WDR86: variants seen among roughly 807,000 people sequenced by gnomAD.
WDR86 encodes the protein WD repeat domain 86, also known as WD repeat-containing protein 86.
WDR86 carries 30 observed loss-of-function variants against 36.5 expected under a neutral mutation model. The ratio of observed to expected loss-of-function variants is 0.82; its 90% confidence interval spans 0.61 to 1.11. WDR86 has a LOEUF of 1.11. WDR86 is among the 50% of genes most tolerant of loss of function. The probability of loss-of-function intolerance (pLI) is 0.00; values close to 1 mark genes in which losing one functional copy is unlikely to be tolerated. For missense variants in WDR86, 545 were observed against 561.2 expected, an observed-to-expected ratio of 0.97 and a Z score of 0.29; for synonymous variants, 255 against 252.9, an observed-to-expected ratio of 1.01 and a Z score of -0.08.
chr7:151,404,996 G>A (rs995843618), intron 1 of WDR86, among the ~76,000 whole-genome samples: 6 of 152,170 alleles, frequency 3.9e-5, no homozygotes, highest in Admixed American at 2.6e-4. Context: ...GAAGCCACAC[G>A]GGGCAGGGAT....
downstream of WDR86, among the ~76,000 whole-genome samples, chr7:151,371,316 G>C (rs956695656): frequency 6.6e-6 from 1 of 152,164 alleles, no homozygotes; most frequent in African/African-American, 2.4e-5. Flanking sequence ...GATTCATTCA[G>C]TGGCTTACTG....
downstream of WDR86, chr7:151,376,973 G>A (rs1798320606): frequency 7.0e-7 from 1 of 1,421,124 alleles, no homozygotes; most frequent in East Asian, 2.5e-5. Flanking sequence ...ACAGTCTGAG[G>A]TTGACTGTGG....
At position 151,395,921 on chromosome 7, in the gene WDR86, C is replaced by T. The variant is rs754973393; in HGVS notation, c.581G>A (p.Gly194Asp). Residue 194 changes from glycine to aspartate, a missense_variant, in exon 3 of 6, where the codon GGT becomes GAT. Coordinates refer to ENST00000334493, the MANE Select transcript of WDR86 (RefSeq NM_198285.3). ...GTCTAGCACTAGGCACAGCACTGCACCCGTGTGGCCCCGCAGCGTCTGGTG... is the reference window on the plus strand; with the variant it reads ...GTCTAGCACTAGGCACAGCACTGCATCCGTGTGGCCCCGCAGCGTCTGGTG... ...CCHQTLRGHT[G>D]AVLCLVLDTP... 1.3e-6 allele frequency: 2 copies of T among 1,598,334 alleles called. No homozygotes were observed. Among genetic ancestry groups the T allele is most frequent in the Admixed American group, 1.7e-5 (1 of 58,860 alleles).
At chr7:151,379,006 C>T (rs35384726), downstream of WDR86, among the ~76,000 whole-genome samples, 65,933 of 152,048 alleles carry the variant, frequency 0.43, 15,294 homozygotes, top group Non-Finnish European at 0.54. Flanking sequence ...CCTGCTCCAC[C>T]GGACAGGCGG....
chr7:151,378,920 C>T (rs576154847), downstream of WDR86, among the ~76,000 whole-genome samples: 34 of 152,330 alleles, frequency 2.2e-4, no homozygotes, highest in South Asian at 6.8e-3. Context: ...GCAGAGGAAG[C>T]CGGCTGTGGA....
intron 3 of WDR86, among the ~76,000 whole-genome samples, chr7:151,387,835 GCA>G (rs1163221124): frequency 1.3e-5 from 2 of 152,236 alleles, no homozygotes; most frequent in African/African-American, 4.8e-5. Context: ...GCTTACAGAT[GCA>G]CAGTCTTGGG....
At chr7:151,376,638 T>C (rs974447694), downstream of WDR86, 32 of 1,609,344 alleles carry the variant, frequency 2.0e-5, no homozygotes, top group African/African-American at 2.7e-5. Flanking sequence ...CCCTAGTTGG[T>C]GTACATGGGT....
At chr7:151,385,603 A>G (rs1356314761) in intron 3 of WDR86, among the ~76,000 whole-genome samples, 2 of 152,178 alleles carry the variant, frequency 1.3e-5, no homozygotes, top group African/African-American at 4.8e-5. Context: ...GGGCTTCCAG[A>G]GAAGGGCTTT....
intron 3 of WDR86, among the ~76,000 whole-genome samples, chr7:151,392,554 C>T (rs1218877115): frequency 1.3e-5 from 2 of 152,288 alleles, no homozygotes; most frequent in African/African-American, 4.8e-5. Flanking sequence ...GGAGCCCCTG[C>T]GGAGCGCCGC....
rs1563069057 is a variant in WDR86, at chr7:151,406,928, TGATA to T, written c.163+2495_163+2498del. Among the ~76,000 whole-genome samples, 1 of 151,852 alleles carries T rather than the reference TGATA, an allele frequency of 6.6e-6. No homozygotes were observed. Among genetic ancestry groups the T allele is most frequent in the African/African-American group, 2.4e-5 (1 of 41,328 alleles). On this transcript the variant is annotated intron_variant, in intron 1 of 5. Coordinates refer to ENST00000334493, the MANE Select transcript of WDR86 (RefSeq NM_198285.3). The surrounding 1 kb of genome is among the most constrained non-coding windows in gnomAD (Gnocchi z 4.4). The stretch of plus-strand genomic sequence containing the variant: ...TTAAGACATTTTAATAATATTTCAC[TGATA>T]GAAAAAAAAAATCCTGCAGGAGAAA...
chr7:151,383,854 G>GCTGCA (rs543632476), intron 4 of WDR86, among the ~76,000 whole-genome samples: 22 of 152,332 alleles, frequency 1.4e-4, no homozygotes, highest in African/African-American at 5.1e-4. Context: ...GCAACAGTGA[G>GCTGCA]CTGCAGGCTT....
intron 4 of WDR86, among the ~76,000 whole-genome samples, chr7:151,384,674 C>A (rs1185945862): frequency 6.6e-6 from 1 of 152,238 alleles, no homozygotes; most frequent in Non-Finnish European, 1.5e-5. Context: ...TAAACCACCA[C>A]CTCATTGGAA....
chr7:151,371,460 G>A (rs912889775), downstream of WDR86, among the ~76,000 whole-genome samples: 4 of 147,762 alleles, frequency 2.7e-5, no homozygotes, highest in Non-Finnish European at 5.9e-5. Context: ...CTTGTGATTG[G>A]GCAGCCTTGA....
rs1798634215 is a variant in WDR86 at position 151,382,069 on chromosome 7, T to C, written c.863-88A>G. The C allele has an allele frequency of 4.3e-6, 5 of 1,150,918 alleles. No individual in the cohort carries two copies. In the East Asian group the frequency reaches 1.0e-4, roughly 24 times the overall value. 71.3% of individuals were successfully genotyped at this position (1,150,918 alleles called of 1,614,324 possible). A position where few individuals can be genotyped will look rare whatever the true frequency, so the allele number is the denominator to read the frequency against. ...GGCGGCGAGAGCGTGACCTGGGGCG[T>C]CTCCGAGACTCCGCCCCACGGGGGT... On this transcript the variant is annotated intron_variant, in intron 4 of 5. Transcript: ENST00000334493.
At chr7:151,386,203 G>A (rs941361623) in intron 3 of WDR86, among the ~76,000 whole-genome samples, 2 of 152,156 alleles carry the variant, frequency 1.3e-5, no homozygotes, top group African/African-American at 2.4e-5. Flanking sequence ...CTGGCATCCC[G>A]AACACGTCCC....
chr7:151,397,852 A>AAGGGCATAGCGGGAGGAAG (rs1799979725), intron 2 of WDR86, among the ~76,000 whole-genome samples: 1 of 108,830 alleles, frequency 9.2e-6, no homozygotes, highest in African/African-American at 3.8e-5. Flanking sequence ...TAGCGGGAGG[A>AAGGGCATAGCGGGAGGAAG]AGGGTGTAGC....
intron 1 of WDR86, among the ~76,000 whole-genome samples, chr7:151,408,189 CTTTTCTTTTCTTTT>C (rs1017119273): frequency 9.3e-5 from 10 of 107,364 alleles, no homozygotes; most frequent in Non-Finnish European, 1.6e-4. Context: ...ATATTTTTTT[CTTTTCTTTTCTTTT>C]TTTTTTTTTT....
chr7:151,374,239 T>C, downstream of WDR86: 2 of 1,554,084 alleles, frequency 1.3e-6, no homozygotes, highest in Non-Finnish European at 1.7e-6. Flanking sequence ...GATGAGGCCC[T>C]GAAGGTAGCA....
chr7:151,385,141 G>C lies in WDR86; in HGVS notation c.809C>G (p.Thr270Arg). The C allele has an allele frequency of 3.1e-6, 5 of 1,612,872 alleles. No individual in the cohort carries two copies. The highest frequency in any genetic ancestry group is 4.2e-6 in the Non-Finnish European group (5 of 1,179,838). ...CACGTTGCGTCTGTGGGCCGTGAAC[G>C]TGCGCACACACTCCCCTGTGTCTGC... Reference protein sequence around the residue: ...WLADTGECVRTFTAHRRNVSA... With the variant: ...WLADTGECVRRFTAHRRNVSA... The change falls in exon 4 of 6, where the codon ACG (threonine) becomes AGG (arginine). Residue 270 changes from threonine to arginine, a missense_variant. Thr to Arg is a moderately conservative substitution (Grantham distance 71). Coordinates refer to ENST00000334493, the MANE Select transcript of WDR86 (RefSeq NM_198285.3).
Sources: gnomAD v4.1 joint callset for allele counts (sites outside exome capture counted in the v4.1 genomes callset) on GRCh38, gnomAD v4.1.1 for gene constraint, Gnocchi (gnomAD v3.1) non-coding constraint, MANE v1.5 for transcripts, NCBI Gene and HGNC (gene_info 2026-07-23, HGNC 2026-07-21) for gene names.